EPM2A: variants seen among roughly 807,000 people sequenced by gnomAD.
EPM2A encodes laforin.
A neutral mutation model predicts 26.5 loss-of-function variants in EPM2A; 21 were observed. The ratio of observed to expected loss-of-function variants is 0.79; its 90% CI spans 0.56 to 1.14. EPM2A has a LOEUF of 1.14. EPM2A is among the 50% of genes most tolerant of loss of function. EPM2A has a pLI of 0.00. For synonymous variants in EPM2A, 217 were observed against 177.6 expected (o/e 1.22, Z -1.76); for missense variants, 458 against 440.8 (o/e 1.04, Z -0.35).
chr6:145,458,491 G>A (rs1245964908), intron 4 of EPM2A, among the ~76,000 whole-genome samples: 5 of 152,092 alleles, frequency 3.3e-5, no homozygotes, highest in East Asian at 1.9e-4. Context: ...TTTATCTCTC[G>A]AGGCATTAGG....
intron 4 of EPM2A, among the ~76,000 whole-genome samples, chr6:145,434,198 G>T (rs1170585544): frequency 2.0e-5 from 3 of 150,390 alleles, no homozygotes; most frequent in Non-Finnish European, 4.4e-5. Context: ...TTTGAATAAT[G>T]TATCCTTTTT....
rs79604203 is a variant in EPM2A at position 145,626,985 on chromosome 6, C to G, written c.*431G>C. On this transcript the variant is annotated 3_prime_UTR_variant, in exon 4 of 4. Transcript: ENST00000367519. ...CTTATTTCCTCCTTTGGCAACTGACCAGCTCACGCACACATACTAGTGATG... is the reference window on the plus strand; with the variant it reads ...CTTATTTCCTCCTTTGGCAACTGACGAGCTCACGCACACATACTAGTGATG... 3.1e-5 allele frequency: 32 copies of G among 1,048,746 alleles called. No individual in the cohort carries two copies. Among genetic ancestry groups the G allele is most frequent in the Non-Finnish European group, 3.6e-5 (31 of 867,844 alleles). The allele number at this position is 1,048,746 out of a possible 1,614,324, so 65.0% of individuals were successfully genotyped here.
At chr6:145,486,133 C>A (rs1419267067) in intron 4 of EPM2A, among the ~76,000 whole-genome samples, 1 of 152,154 alleles carries the variant, frequency 6.6e-6, no homozygotes, top group Non-Finnish European at 1.5e-5. Flanking sequence ...AGGGCAGCAA[C>A]TGCTGCCAAT....
chr6:145,612,959 A>G (rs1775424637), intron 2 of EPM2A, among the ~76,000 whole-genome samples: 1 of 152,006 alleles, frequency 6.6e-6, no homozygotes, highest in African/African-American at 2.4e-5. Flanking sequence ...ATTTCATAAA[A>G]TAAGACAATA....
chr6:145,649,080 C>T (rs536762931), intron 2 of EPM2A, among the ~76,000 whole-genome samples: 1 of 152,302 alleles, frequency 6.6e-6, no homozygotes, highest in South Asian at 2.1e-4. Flanking sequence ...GTCATCTGAA[C>T]CTCTCGTGGC....
intron 2 of EPM2A, among the ~76,000 whole-genome samples, chr6:145,682,055 T>G (rs897474012): frequency 5.9e-5 from 9 of 152,160 alleles, no homozygotes; most frequent in Non-Finnish European, 1.3e-4. Context: ...ACTCTGCTAA[T>G]AAAGACATAC....
chr6:145,684,315 G>T (rs1180683652), intron 2 of EPM2A, among the ~76,000 whole-genome samples: 2 of 152,066 alleles, frequency 1.3e-5, no homozygotes, highest in African/African-American at 2.4e-5. Flanking sequence ...TCAAGGAGAA[G>T]AAATAATCAT....
chr6:145,563,758 T>C (rs1360940081), intron 2 of EPM2A, among the ~76,000 whole-genome samples: 1 of 152,176 alleles, frequency 6.6e-6, no homozygotes. Flanking sequence ...TTTGGAATTC[T>C]GCAAAACTTT....
At chr6:145,416,336 G>A (rs559585549) in intron 4 of EPM2A, among the ~76,000 whole-genome samples, 10 of 150,894 alleles carry the variant, frequency 6.6e-5, no homozygotes, top group African/African-American at 2.4e-4. Flanking sequence ...TATGTTAGTT[G>A]ATGCCCAATC....
chr6:145,498,934 T>A (rs906073225), downstream of EPM2A, among the ~76,000 whole-genome samples: 4 of 152,180 alleles, frequency 2.6e-5, no homozygotes, highest in Non-Finnish European at 5.9e-5. Context: ...CTTTTAAAAA[T>A]CTGTCAATTT....
At chr6:145,520,013 C>T (rs554498744) in intron 2 of EPM2A, among the ~76,000 whole-genome samples, 2 of 152,266 alleles carry the variant, frequency 1.3e-5, no homozygotes, top group East Asian at 3.9e-4. Flanking sequence ...TAGTCAAATA[C>T]TGTCCATCCT....
chr6:145,472,456 G>A (rs1490655210), intron 4 of EPM2A, among the ~76,000 whole-genome samples: 1 of 151,980 alleles, frequency 6.6e-6, no homozygotes, highest in Non-Finnish European at 1.5e-5. Flanking sequence ...TACCAAGCAG[G>A]GTCATGGGGT....
chr6:145,438,256 A>C (rs1292007881), intron 4 of EPM2A, among the ~76,000 whole-genome samples: 1 of 152,132 alleles, frequency 6.6e-6, no homozygotes, highest in African/African-American at 2.4e-5. Context: ...TAACAAAAGA[A>C]GCTGATTTGG....
At chr6:145,590,860 A>G (rs1310614307) in intron 2 of EPM2A, among the ~76,000 whole-genome samples, 1 of 152,126 alleles carries the variant, frequency 6.6e-6, no homozygotes, top group Non-Finnish European at 1.5e-5. Context: ...ACAAATAAGA[A>G]AAAAACAGTA....
intron 2 of EPM2A, among the ~76,000 whole-genome samples, chr6:145,515,408 T>C (rs1055054766): frequency 5.3e-5 from 8 of 152,274 alleles, no homozygotes; most frequent in Admixed American, 1.3e-4. Flanking sequence ...TGTAGTAGAA[T>C]ACTACAGACT....
intron 2 of EPM2A, among the ~76,000 whole-genome samples, chr6:145,646,403 C>G (rs1053677960): frequency 6.6e-6 from 1 of 151,720 alleles, no homozygotes; most frequent in Non-Finnish European, 1.5e-5. Flanking sequence ...GTCTCGAATT[C>G]CTGACCTTGT....
At chr6:145,469,218 T>C (rs1779439732) in intron 4 of EPM2A, among the ~76,000 whole-genome samples, 1 of 151,858 alleles carries the variant, frequency 6.6e-6, no homozygotes, top group African/African-American at 2.4e-5. Flanking sequence ...AACCATCAGA[T>C]CTCATGAGAA....
intron 2 of EPM2A, among the ~76,000 whole-genome samples, chr6:145,517,405 G>A (rs1363204627): frequency 6.6e-6 from 1 of 151,824 alleles, no homozygotes; most frequent in African/African-American, 2.4e-5. Flanking sequence ...AAACAAAAAG[G>A]GTCACCTCAG....
chr6:145,501,918 G>A (rs1402551109), intron 3 of EPM2A: 3 of 469,570 alleles, frequency 6.4e-6, no homozygotes, highest in East Asian at 7.0e-5. Flanking sequence ...TTTTACAGAT[G>A]TGAAGGCTTA....
Sources: gnomAD v4.1 joint callset for allele counts (sites outside exome capture counted in the v4.1 genomes callset) on GRCh38, gnomAD v4.1.1 for gene constraint, MANE v1.5 for transcripts, NCBI Gene and HGNC (gene_info 2026-07-23, HGNC 2026-07-21) for gene names.